The following NHLRC3 variants were observed in gnomAD, a reference collection of about 807,000 sequenced individuals.
The protein encoded by NHLRC3 is NHL repeat-containing protein 3.
A neutral mutation model predicts 32.0 loss-of-function variants in NHLRC3; 23 were observed. The observed-to-expected ratio is 0.72, with a 90% CI of 0.52 to 1.02. The LOEUF (loss-of-function observed/expected upper bound fraction) is 1.02, where lower values mean the gene tolerates loss of function less well. Ranked by LOEUF, NHLRC3 falls within the 50% of genes least tolerant of loss-of-function variation. NHLRC3 has a pLI of 0.00. For synonymous variants in NHLRC3, 159 were observed against 147.9 expected (o/e 1.08, Z -0.55); for missense variants, 407 against 406.8 (o/e 1.00, Z -0.01).
chr13:39,042,803 T>C (rs984064180), intron 4 of NHLRC3, among the ~76,000 whole-genome samples: 22 of 152,050 alleles, frequency 1.4e-4, no homozygotes, highest in African/African-American at 5.1e-4. Context: ...CCTGGAGAAA[T>C]AGAACAAGAT....
chr13:39,039,004 A>C (rs1566031972), intron 1 of NHLRC3, 132 bp from the exon 2 acceptor site: 1 of 731,980 alleles, frequency 1.4e-6, no homozygotes, highest in African/African-American at 1.8e-5. Context: ...TTTCTTTGGA[A>C]TTATTTCAGT....
chr13:39,046,364 A>T (rs1035736136), intron 5 of NHLRC3, among the ~76,000 whole-genome samples: 1 of 152,208 alleles, frequency 6.6e-6, no homozygotes, highest in Non-Finnish European at 1.5e-5. Flanking sequence ...AGCTGCATGC[A>T]TGTGGCCATG....
At position 39,042,233 on chromosome 13, in the gene NHLRC3, GAGGACAC is replaced by G; in HGVS notation, c.519_525del (p.Asp173GlufsTer12). On this transcript the variant is annotated frameshift_variant, in exon 4 of 7. Coordinates refer to ENST00000379600, the MANE Select transcript of NHLRC3 (RefSeq NM_001012754.4). LOFTEE classifies it high-confidence loss of function. ...TGATAACCCAGCAGAATTATATGTA[GAGGACAC>G]AGGAGATATTTACATTGTGGATGGA... 1 of 1,611,178 alleles carries G rather than the reference GAGGACAC, an allele frequency of 6.2e-7. No homozygotes were observed. Among genetic ancestry groups the G allele is most frequent in the Non-Finnish European group, 8.5e-7 (1 of 1,177,448 alleles).
intron 3 of NHLRC3, chr13:39,041,068 AAG>A (rs1444800002): frequency 1.3e-5 from 2 of 152,224 alleles, no homozygotes; most frequent in Non-Finnish European, 2.9e-5. Context: ...CAGAAATAAA[AAG>A]AGCACAGACG....
chr13:39,048,122 G>C lies in NHLRC3; in HGVS notation c.*196G>C. ...TTAGTTTTATTTGTAAGTGCATAAG[G>C]ATATTTTAATGAAAGGAAAGTAACT... On this transcript the variant is annotated 3_prime_UTR_variant, in exon 7 of 7. Coordinates refer to ENST00000379600, the MANE Select transcript of NHLRC3 (RefSeq NM_001012754.4). 2.0e-6 allele frequency: 1 copy of C among 488,372 alleles called. No homozygotes were observed. Among genetic ancestry groups the C allele is most frequent in the Non-Finnish European group, 3.6e-6 (1 of 278,050 alleles). 30.3% of individuals were successfully genotyped at this position (488,372 alleles called of 1,614,324 possible).
chr13:39,046,915 T>A, intron 5 of NHLRC3, 125 bp from the exon 6 acceptor site: 1 of 707,792 alleles, frequency 1.4e-6, no homozygotes, highest in South Asian at 1.7e-5. Context: ...AAATGGGACT[T>A]AACTACCTTC....
chr13:39,042,430 A>G (rs537537251), intron 4 of NHLRC3, 125 bp downstream of exon 4: 156 of 591,722 alleles, frequency 2.6e-4, no homozygotes, highest in Middle Eastern at 9.1e-4. Context: ...TATTACTACG[A>G]GAAAACTGAA....
At chr13:39,046,739 C>A (rs1339153907) in intron 5 of NHLRC3, among the ~76,000 whole-genome samples, 2 of 152,200 alleles carry the variant, frequency 1.3e-5, no homozygotes, top group African/African-American at 4.8e-5. Context: ...TACTGATCCC[C>A]TGCATTATGG....
rs9603498 is a variant in NHLRC3, at chr13:39,044,165, T to G, written c.662T>G (p.Leu221Arg). 26,885 of 1,611,770 alleles carry G rather than the reference T, an allele frequency of 0.017. 243 individuals carry two copies. Among genetic ancestry groups the G allele is most frequent in the Non-Finnish European group, 0.019 (22,569 of 1,177,894 alleles). ...AKFNIPHSVT[L>R]DSAGRVWVAD... The stretch of plus-strand genomic sequence containing the variant: ...TTCAACATACCTCACAGTGTTACAC[T>G]TGATTCAGCTGGTCGGGTACAAATA... Residue 221 changes from leucine (L) to arginine (R), a missense_variant, in exon 5 of 7, where the codon CTT becomes CGT. Coordinates refer to ENST00000379600, the MANE Select transcript of NHLRC3 (RefSeq NM_001012754.4).
At chr13:39,045,372 G>T (rs1871628805) in intron 5 of NHLRC3, among the ~76,000 whole-genome samples, 1 of 152,162 alleles carries the variant, frequency 6.6e-6, no homozygotes, top group South Asian at 2.1e-4. Flanking sequence ...ATTCATCATG[G>T]TGAGGAACGC....
chr13:39,042,219 C>A lies in NHLRC3; in HGVS notation c.500C>A (p.Ala167Glu). ...AATCCTTTGCAGTTTGATAACCCAG[C>A]AGAATTATATGTAGAGGACACAGGA... ...SLNPLQFDNP[A>E]ELYVEDTGDI... The change falls in exon 4 of 7, where the codon GCA becomes GAA. Residue 167 changes from alanine (A) to glutamate (E), a missense_variant. By Grantham distance (107) the Ala-to-Glu change is moderately radical (BLOSUM62 -1). Transcript: ENST00000379600. 2 of 1,610,570 alleles carry A rather than the reference C, an allele frequency of 1.2e-6. No homozygotes were observed. The highest frequency in any genetic ancestry group is 1.7e-6 in the Non-Finnish European group (2 of 1,176,954).
intron 5 of NHLRC3, among the ~76,000 whole-genome samples, chr13:39,046,137 G>A (rs1177304870): frequency 6.6e-6 from 1 of 152,136 alleles, no homozygotes. Context: ...AGACCATGGT[G>A]AAACCCCATC....
chr13:39,045,062 G>A (rs1871617062), intron 5 of NHLRC3, among the ~76,000 whole-genome samples: 1 of 152,138 alleles, frequency 6.6e-6, no homozygotes, highest in Non-Finnish European at 1.5e-5. Context: ...TAGGCTACTT[G>A]CCTTCATACC....
chr13:39,042,509 C>A (rs577497288), intron 4 of NHLRC3, among the ~76,000 whole-genome samples: 1 of 152,228 alleles, frequency 6.6e-6, no homozygotes, highest in East Asian at 1.9e-4. Flanking sequence ...TCACCAAAGG[C>A]CAGGAGATTC....
intron 1 of NHLRC3, 139 bp downstream of exon 1, chr13:39,038,862 G>A: frequency 2.6e-6 from 2 of 768,584 alleles, no homozygotes; most frequent in Non-Finnish European, 4.5e-6. Flanking sequence ...GGTCCAAACT[G>A]CCTTGACCCT....
chr13:39,041,931 T>A (rs1871479370), intron 3 of NHLRC3, 174 bp from the exon 4 acceptor site: 2 of 534,852 alleles, frequency 3.7e-6, no homozygotes, highest in African/African-American at 3.8e-5. Flanking sequence ...GTGATCAAAT[T>A]TGGCTGTAAT....
chr13:39,047,280 C>T (rs1285306276), intron 6 of NHLRC3, 128 bp downstream of exon 6: 9 of 611,716 alleles, frequency 1.5e-5, no homozygotes, highest in Non-Finnish European at 2.2e-5. Flanking sequence ...TAGAAATATA[C>T]AGAGAAATTT....
rs1871753948 is a variant in NHLRC3, at chr13:39,047,956, CAGT to C, written c.*31_*33del. The C allele has an allele frequency of 6.4e-7, 1 of 1,554,982 alleles. No homozygotes were observed. The highest frequency in any genetic ancestry group is 1.2e-5 in the South Asian group (1 of 85,616). On this transcript the variant is annotated 3_prime_UTR_variant, in exon 7 of 7. Coordinates refer to ENST00000379600, the MANE Select transcript of NHLRC3 (RefSeq NM_001012754.4). ...TCTTTCCTGGGAATATTTCAAGTGG[CAGT>C]TCAGATTCTCAATTCACTAAGTGCT...
chr13:39,045,912 A>C (rs1476539597), intron 5 of NHLRC3, among the ~76,000 whole-genome samples: 7 of 152,224 alleles, frequency 4.6e-5, no homozygotes, highest in South Asian at 2.1e-4. Context: ...TGAAGAAATT[A>C]TCTCTCAATC....
Sources: allele counts gnomAD v4.1 joint callset (sites outside exome capture counted in the v4.1 genomes callset), GRCh38; gene constraint gnomAD v4.1.1; transcripts MANE v1.5; gene names NCBI Gene and HGNC (gene_info 2026-07-23, HGNC 2026-07-21).